SLC30A6: variants seen among roughly 807,000 people sequenced by gnomAD.
SLC30A6 encodes the protein solute carrier family 30 member 6.
SLC30A6 carries 55 observed loss-of-function variants against 63.0 expected under a neutral mutation model. That is an observed-to-expected ratio of 0.87 (90% CI 0.70 to 1.09). The LOEUF is 1.09. SLC30A6 is among the 50% of genes least tolerant of loss of function. SLC30A6 has a pLI of 0.00. For synonymous variants in SLC30A6, 224 were observed against 186.1 expected (o/e 1.20, Z -1.66); for missense variants, 587 against 549.2 (o/e 1.07, Z -0.69).
chr2:32,214,035 C>A (rs1198982676), intron 13 of SLC30A6, among the ~76,000 whole-genome samples: 1 of 152,066 alleles, frequency 6.6e-6, no homozygotes, highest in South Asian at 2.1e-4. Flanking sequence ...TGGAATCTCT[C>A]TTTTTGTAGA....
chr2:32,201,612 C>T, intron 10 of SLC30A6: 1 of 1,506,078 alleles, frequency 6.6e-7, no homozygotes, highest in Admixed American at 2.1e-5. Context: ...GCCTGGGAAA[C>T]TCCTCTGGGG....
At chr2:32,193,834 A>G in intron 7 of SLC30A6, 55 bp from the exon 8 acceptor site, 1 of 1,406,090 alleles carries the variant, frequency 7.1e-7, no homozygotes, top group Non-Finnish European at 1.0e-6. Context: ...TTGAAATTAC[A>G]TACTGATAAT....
rs377700984 is a variant in SLC30A6, at chr2:32,171,314, C to G, written c.31C>G (p.Gln11Glu). MGTIHLFRKP[Q>E]RSFFGKLLRE... Reference sequence around the variant, plus strand: ...GACAATTCATCTCTTTCGAAAACCACAAAGATCCTTTTTTGGCAAGTTGTT... The same window carrying G: ...GACAATTCATCTCTTTCGAAAACCAGAAAGATCCTTTTTTGGCAAGTTGTT... Residue 11 changes from glutamine to glutamate, a missense_variant, in exon 2 of 14, where the codon CAA (glutamine) becomes GAA (glutamate). Physicochemically the swap from Gln to Glu is conservative, Grantham distance 29. Coordinates refer to ENST00000282587, the MANE Select transcript of SLC30A6 (RefSeq NM_017964.5). The G allele has an allele frequency of 1.9e-6, 3 of 1,613,582 alleles. No individual in the cohort carries two copies. The African/African-American group carries it at 4.0e-5, about 22-fold the overall frequency.
At chr2:32,181,859 C>T (rs1485553609) in intron 4 of SLC30A6, among the ~76,000 whole-genome samples, 2 of 150,666 alleles carry the variant, frequency 1.3e-5, no homozygotes, top group Non-Finnish European at 3.0e-5. Flanking sequence ...CAGAGTGAGA[C>T]TCCGTCTCAA....
chr2:32,201,963 A>G, intron 10 of SLC30A6: 2 of 1,415,562 alleles, frequency 1.4e-6, no homozygotes, highest in South Asian at 1.2e-5. Context: ...TTTCAGATGA[A>G]TTCTCTAAAT....
At chr2:32,180,462 C>CCTGT (rs1682200739) in intron 4 of SLC30A6, among the ~76,000 whole-genome samples, 1 of 151,842 alleles carries the variant, frequency 6.6e-6, no homozygotes, top group East Asian at 1.9e-4. Context: ...AGGGCCTCAT[C>CCTGT]CTGTCACCCA....
At chr2:32,208,075 A>G (rs965229985) in intron 12 of SLC30A6, among the ~76,000 whole-genome samples, 1 of 149,922 alleles carries the variant, frequency 6.7e-6, no homozygotes, top group South Asian at 2.1e-4. Flanking sequence ...CTCGTGATCC[A>G]CCCGCCTCGG....
chr2:32,213,810 TG>T (rs66869824), intron 13 of SLC30A6, among the ~76,000 whole-genome samples: 13,105 of 129,044 alleles, frequency 0.1, 2,112 homozygotes, highest in Middle Eastern at 0.15. Flanking sequence ...TTTTTTTTTT[TG>T]TTTTTGTTTT....
chr2:32,165,890 A>T lies in SLC30A6; in HGVS notation c.-11A>T. 2 of 1,614,124 alleles carry T rather than the reference A, an allele frequency of 1.2e-6. No individual in the cohort carries two copies. The highest frequency in any genetic ancestry group is 1.1e-5 in the South Asian group (1 of 91,078). ...GAACGGCTTCCGGCGGGAGCTGTGCAGCTCCTTATCATGGTGAGTTGGCTG... is the reference window on the plus strand; with the variant it reads ...GAACGGCTTCCGGCGGGAGCTGTGCTGCTCCTTATCATGGTGAGTTGGCTG... On this transcript the variant is annotated 5_prime_UTR_variant, in exon 1 of 14. Transcript: ENST00000282587.
At chr2:32,188,158 A>C (rs1212984167) in intron 5 of SLC30A6, among the ~76,000 whole-genome samples, 1 of 152,096 alleles carries the variant, frequency 6.6e-6, no homozygotes, top group African/African-American at 2.4e-5. Flanking sequence ...CTACTAACTC[A>C]TTCCCATTTT....
intron 13 of SLC30A6, chr2:32,214,497 A>T (rs1339995326): frequency 6.6e-6 from 1 of 152,104 alleles, no homozygotes; most frequent in East Asian, 1.9e-4. Flanking sequence ...TCATCTTTGC[A>T]CAGAGGCCAT....
At chr2:32,211,318 T>C (rs1685236096) in intron 13 of SLC30A6, among the ~76,000 whole-genome samples, 1 of 152,248 alleles carries the variant, frequency 6.6e-6, no homozygotes, top group African/African-American at 2.4e-5. Flanking sequence ...TTCTTGAATG[T>C]TGAAAGCAGC....
At chr2:32,205,731 ACAC>A in intron 11 of SLC30A6, among the ~76,000 whole-genome samples, 1 of 127,776 alleles carries the variant, frequency 7.8e-6, no homozygotes, top group Non-Finnish European at 1.5e-5. Context: ...CAGTGGCGCT[ACAC>A]TCAGGTCACT....
chr2:32,202,598 T>G, intron 10 of SLC30A6: 1 of 437,902 alleles, frequency 2.3e-6, no homozygotes, highest in Non-Finnish European at 4.3e-6. Context: ...CCCAAAGTGC[T>G]GGGATTGCAG....
intron 13 of SLC30A6, among the ~76,000 whole-genome samples, chr2:32,215,668 GTTC>G (rs375843263): frequency 4.6e-5 from 7 of 151,292 alleles, no homozygotes; most frequent in Non-Finnish European, 7.4e-5. Context: ...ACTTGTCTCT[GTTC>G]TTCTGTTTTT....
chr2:32,189,951 A>T (rs1683184352), intron 5 of SLC30A6, among the ~76,000 whole-genome samples: 1 of 151,878 alleles, frequency 6.6e-6, no homozygotes, highest in Non-Finnish European at 1.5e-5. Flanking sequence ...GTGGTATTTC[A>T]TTGTGGTTTT....
intron 1 of SLC30A6, among the ~76,000 whole-genome samples, chr2:32,167,141 T>C (rs979500178): frequency 1.1e-4 from 17 of 152,178 alleles, no homozygotes; most frequent in Non-Finnish European, 2.5e-4. Context: ...AATGGCGCGA[T>C]CGCGGCTCAC....
chr2:32,201,652 A>G, intron 10 of SLC30A6: 1 of 1,512,706 alleles, frequency 6.6e-7, no homozygotes, highest in Non-Finnish European at 9.0e-7. Context: ...GCACCCTTGG[A>G]GGAGTCCGAG....
chr2:32,209,571 T>C lies in SLC30A6; in HGVS notation c.885+10T>C. The C allele has an allele frequency of 6.3e-7, 1 of 1,592,302 alleles. No individual in the cohort carries two copies. The highest frequency in any genetic ancestry group is 8.5e-7 in the Non-Finnish European group (1 of 1,169,644). On this transcript the variant is annotated intron_variant, in intron 13 of 13. Transcript: ENST00000282587. Reference sequence around the variant, plus strand: ...AGGTTTTGGCTCATTGGTATGTTCTTTTACATATGACTTTAGTTATAATTT... The same window carrying C: ...AGGTTTTGGCTCATTGGTATGTTCTCTTACATATGACTTTAGTTATAATTT...
Sources: gnomAD v4.1 joint callset for allele counts (sites outside exome capture counted in the v4.1 genomes callset) on GRCh38, gnomAD v4.1.1 for gene constraint, MANE v1.5 for transcripts, NCBI Gene and HGNC (gene_info 2026-07-23, HGNC 2026-07-21) for gene names.